ACSF3: variants seen among roughly 807,000 people sequenced by gnomAD.
ACSF3 encodes acyl-CoA synthetase family member 3, also known as malonate--CoA ligase ACSF3, mitochondrial.
Under a neutral mutation model 53.2 loss-of-function variants are expected in ACSF3, and 78 were observed. The observed-to-expected ratio is 1.47, with a 90% CI of 1.22 to 1.77. The LOEUF (loss-of-function observed/expected upper bound fraction) is 1.77. ACSF3 is among the 40% of genes most tolerant of loss of function. The pLI is 0.00. For synonymous variants in ACSF3, 414 were observed against 333.1 expected, an observed-to-expected ratio of 1.24 and a Z score of -2.65; for missense variants, 937 against 771.1, an observed-to-expected ratio of 1.22 and a Z score of -2.55.
chr16:89,097,891 C>G lies in ACSF3; in HGVS notation c.-193-700C>G, dbSNP rs528124347. On this transcript the variant is annotated intron_variant, in intron 1 of 10. Transcript: ENST00000614302. ...CGTCCAAGCAGCCCGCGGAGCTGTG[C>G]TGAGGTTCAGGGCCCTGCGTGGCTC... Among the ~76,000 whole-genome samples the G allele has an allele frequency of 2.0e-5, 3 of 152,320 alleles. No homozygotes were observed. In the South Asian group the frequency reaches 6.2e-4, roughly 32 times the overall value.
At chr16:89,137,341 T>TCCCGGGGAGGACCACCAGGAG (rs1910766299) in intron 8 of ACSF3, among the ~76,000 whole-genome samples, 1 of 139,938 alleles carries the variant, frequency 7.1e-6, no homozygotes, top group African/African-American at 2.8e-5. Context: ...GAGCCCCGGG[T>TCCCGGGGAGGACCACCAGGAG]CTCGGGAGGA....
chr16:89,122,786 G>A (rs55797131), intron 7 of ACSF3: 5,329 of 152,982 alleles, frequency 0.035, 140 homozygotes, highest in East Asian at 0.13. Flanking sequence ...CGGAGCGGGG[G>A]TGGGGAGCAT....
intron 4 of ACSF3, among the ~76,000 whole-genome samples, chr16:89,103,893 C>T (rs1199788279): frequency 6.6e-6 from 1 of 152,240 alleles, no homozygotes; most frequent in South Asian, 2.1e-4. Context: ...CTGCGCGCAG[C>T]CTTGCCTGTG....
chr16:89,107,395 C>A (rs1405669986), intron 4 of ACSF3, among the ~76,000 whole-genome samples: 1 of 152,196 alleles, frequency 6.6e-6, no homozygotes, highest in African/African-American at 2.4e-5. Flanking sequence ...CTGCTACACG[C>A]ATGCTCTCCC....
Position 89,131,793 on chromosome 16 carries a change from GA to G in ACSF3, c.1240-1338del, listed in dbSNP as rs769916143. ...GTGGAGCAGATAAAGGACAGCAGTG[GA>G]AAAATTCACGAAATTCAGATAAAGT... On this transcript the variant is annotated intron_variant, in intron 7 of 10. Transcript: ENST00000614302. Among the ~76,000 whole-genome samples the G allele has an allele frequency of 1.8e-4, 28 of 152,380 alleles. No individual in the cohort carries two copies. In the Middle Eastern group the frequency reaches 0.01, roughly 56 times the overall value.
chr16:89,124,947 A>G (rs4782326), intron 7 of ACSF3, among the ~76,000 whole-genome samples: 106,975 of 152,222 alleles, frequency 0.7, 38,123 homozygotes, highest in Middle Eastern at 0.78. Context: ...ACACCACATT[A>G]TCTTGACTGT....
At position 89,155,875 on chromosome 16, in the gene ACSF3, AAT is replaced by A. The variant is rs1243159686; in HGVS notation, c.*1669_*1670del. ...CATCAGTATATCATGCTTTCGAAAT[AAT>A]GAGTGTAACTTTCTGCTGACAATAC... On this transcript the variant is annotated 3_prime_UTR_variant, in exon 11 of 11. Coordinates refer to ENST00000614302, the MANE Select transcript of ACSF3 (RefSeq NM_001243279.3). The A allele has an allele frequency of 3.1e-5, 13 of 414,968 alleles. No homozygotes were observed. The Admixed American group carries it at 3.5e-4, about 11-fold the overall frequency. 25.7% of individuals were successfully genotyped at this position (414,968 alleles called of 1,614,324 possible).
At chr16:89,105,566 G>A (rs746165997) in intron 4 of ACSF3, among the ~76,000 whole-genome samples, 8 of 152,126 alleles carry the variant, frequency 5.3e-5, no homozygotes, top group Non-Finnish European at 7.3e-5. Context: ...TTCCTTTGGC[G>A]GTCAGCTCTG....
At chr16:89,114,259 C>A (rs1904634564) in intron 5 of ACSF3, 80 bp from the exon 6 acceptor site, 3 of 1,601,190 alleles carry the variant, frequency 1.9e-6, no homozygotes, top group Middle Eastern at 1.6e-4. Flanking sequence ...GGGCCGCCTC[C>A]TGAGGGGCTA....
chr16:89,101,013 C>T lies in ACSF3; in HGVS notation c.332C>T (p.Ala111Val). ...GCTAACGATGCCTCCTACGTCGTGG[C>T]CCAGTGGGCGTCATGGATGAGTGGC... ...LCANDASYVV[A>V]QWASWMSGGV... The change falls in exon 3 of 11, where the codon GCC becomes GTC. Residue 111 changes from alanine (A) to valine (V), a missense_variant. By Grantham distance (64) the Ala-to-Val change is moderately conservative (BLOSUM62 0). Transcript: ENST00000614302. 6.2e-7 allele frequency: 1 copy of T among 1,613,738 alleles called. No individual in the cohort carries two copies. The highest frequency in any genetic ancestry group is 2.2e-5 in the East Asian group (1 of 44,872).
At chr16:89,143,141 C>A (rs944678406) in intron 8 of ACSF3, among the ~76,000 whole-genome samples, 4 of 152,046 alleles carry the variant, frequency 2.6e-5, no homozygotes, top group Admixed American at 6.6e-5. Flanking sequence ...CTTGTGCCGT[C>A]CCCCCAGTTT....
intron 8 of ACSF3, among the ~76,000 whole-genome samples, chr16:89,142,765 A>G (rs1597235234): frequency 6.9e-6 from 1 of 144,302 alleles, no homozygotes; most frequent in South Asian, 2.3e-4. Context: ...ACACACCCAC[A>G]CCTACAGAGA....
chr16:89,098,014 C>T (rs550526847), intron 1 of ACSF3, among the ~76,000 whole-genome samples: 14 of 152,102 alleles, frequency 9.2e-5, no homozygotes, highest in Middle Eastern at 3.4e-3. Context: ...GCGGAGCTTG[C>T]AGTGAGCCGA....
chr16:89,130,699 G>C (rs1439959429), intron 7 of ACSF3, among the ~76,000 whole-genome samples: 1 of 152,096 alleles, frequency 6.6e-6, no homozygotes, highest in East Asian at 1.9e-4. Flanking sequence ...GATGTGTCTG[G>C]GCTTGGACAT....
intron 10 of ACSF3, chr16:89,150,395 G>A (rs1597269166): frequency 6.5e-6 from 1 of 152,942 alleles, no homozygotes; most frequent in South Asian, 2.1e-4. Flanking sequence ...GATAGGTGTC[G>A]AGGGCTGAGA....
At chr16:89,116,130 G>A (rs985636767) in intron 6 of ACSF3, among the ~76,000 whole-genome samples, 2 of 152,220 alleles carry the variant, frequency 1.3e-5, no homozygotes, top group Non-Finnish European at 2.9e-5. Flanking sequence ...TACATAGTGC[G>A]AGATACGGAC....
chr16:89,116,477 C>T (rs192493442), intron 6 of ACSF3, among the ~76,000 whole-genome samples: 1 of 152,302 alleles, frequency 6.6e-6, no homozygotes, highest in African/African-American at 2.4e-5. Flanking sequence ...ACTGTAGGCT[C>T]ACGCCCCTTT....
chr16:89,133,385 G>A, intron 8 of ACSF3, 123 bp downstream of exon 8: 2 of 1,335,368 alleles, frequency 1.5e-6, no homozygotes, highest in East Asian at 4.9e-5. Context: ...GGCAGAAGAT[G>A]GGGTGGAGTG....
chr16:89,102,904 T>C lies in ACSF3; in HGVS notation c.822+145T>C, dbSNP rs4782455. 830,220 of 1,137,088 alleles carry C rather than the reference T, an allele frequency of 0.73. 308,584 individuals are homozygous for C. Among genetic ancestry groups the C allele is most frequent in the Admixed American group, 0.8 (39,620 of 49,440 alleles). 70.4% of individuals were successfully genotyped at this position (1,137,088 alleles called of 1,614,324 possible). ...CTCGGCCGCGCCCTCAGACTAGGCA[T>C]CTTTTCCTGGTGTGCAGTCGCCCCT... On this transcript the variant is annotated intron_variant, in intron 4 of 10. Coordinates refer to ENST00000614302, the MANE Select transcript of ACSF3 (RefSeq NM_001243279.3).
Sources: allele counts gnomAD v4.1 joint callset (sites outside exome capture counted in the v4.1 genomes callset), GRCh38; gene constraint gnomAD v4.1.1; transcripts MANE v1.5; gene names NCBI Gene and HGNC (gene_info 2026-07-23, HGNC 2026-07-21).